The following PRKCE variants were observed in gnomAD, a reference collection of about 807,000 sequenced individuals.
PRKCE encodes the protein protein kinase C epsilon.
PRKCE carries 16 observed loss-of-function variants against 85.4 expected under a neutral mutation model. That is an observed-to-expected ratio of 0.19 (90% CI 0.13 to 0.28). PRKCE has a LOEUF of 0.28. Among genes scored for constraint, PRKCE ranks in the 10% least tolerant of loss-of-function variants. The pLI, the probability that PRKCE is intolerant of heterozygous loss-of-function variation, is 1.00. For missense variants in PRKCE, 573 were observed against 975.2 expected (o/e 0.59, Z 5.49); for synonymous variants, 388 against 371.5 (o/e 1.04, Z -0.51).
chr2:45,775,590 A>G (rs1685684373), intron 1 of PRKCE, among the ~76,000 whole-genome samples: 1 of 152,174 alleles, frequency 6.6e-6, no homozygotes, highest in South Asian at 2.1e-4. Flanking sequence ...CAAGAAGAGA[A>G]TAAATCCAGA....
chr2:45,892,661 G>A (rs866248132), intron 2 of PRKCE, among the ~76,000 whole-genome samples: 3 of 152,076 alleles, frequency 2.0e-5, no homozygotes, highest in Non-Finnish European at 2.9e-5. Flanking sequence ...CTGCCCTGGC[G>A]GTGGCCCAGA....
intron 1 of PRKCE, among the ~76,000 whole-genome samples, chr2:45,829,701 A>G (rs1167488334): frequency 6.6e-6 from 1 of 152,214 alleles, no homozygotes; most frequent in African/African-American, 2.4e-5. Context: ...GGTAAAAACA[A>G]GTGACCTTTG....
Position 46,074,260 on chromosome 2 carries a change from T to C in PRKCE, c.1438-11948T>C, listed in dbSNP as rs3814372. ...TAAAGTGAAGGAGTCAGTAAACAGG[T>C]TGGTGGTTTTATATACATGAGATTG... On this transcript the variant is annotated intron_variant, in intron 10 of 14. Transcript: ENST00000306156. 6.5e-3 allele frequency among the ~76,000 whole-genome samples: 987 copies of C among 151,356 alleles called. 16 individuals carry two copies. Among genetic ancestry groups the C allele is most frequent in the East Asian group, 0.023 (117 of 5,168 alleles).
chr2:45,905,727 A>T lies in PRKCE; in HGVS notation c.412+62664A>T, dbSNP rs1573823626. Among the ~76,000 whole-genome samples the T allele has an allele frequency of 6.6e-6, 1 of 152,186 alleles. No homozygotes were observed. The highest frequency in any genetic ancestry group is 1.5e-5 in the Non-Finnish European group (1 of 68,026). ...TGCAACTGTGATCTACAAAGATAGGATGTTTACTGAAGGGTAAATGGAGAC... is the reference window on the plus strand; with the variant it reads ...TGCAACTGTGATCTACAAAGATAGGTTGTTTACTGAAGGGTAAATGGAGAC... On this transcript the variant is annotated intron_variant, in intron 2 of 14. Transcript: ENST00000306156. The surrounding 1 kb of genome is among the most constrained non-coding windows in gnomAD (Gnocchi z 4.4).
intron 2 of PRKCE, among the ~76,000 whole-genome samples, chr2:45,852,947 T>G (rs11895929): frequency 6.6e-6 from 1 of 151,960 alleles, no homozygotes; most frequent in African/African-American, 2.4e-5. Flanking sequence ...CCAGGAGATG[T>G]CTGTGCTGCT....
intron 14 of PRKCE, among the ~76,000 whole-genome samples, chr2:46,181,424 A>G (rs1450925120): frequency 6.6e-6 from 1 of 152,204 alleles, no homozygotes; most frequent in Admixed American, 6.5e-5. Context: ...GTCTGTAACG[A>G]TCATGAAGAA....
intron 10 of PRKCE, among the ~76,000 whole-genome samples, chr2:46,022,781 G>C (rs1706773255): frequency 6.6e-6 from 1 of 152,192 alleles, no homozygotes; most frequent in South Asian, 2.1e-4. Flanking sequence ...GTCTTATCCA[G>C]TTAACAGTTT....
chr2:46,101,962 G>A (rs1359463704), intron 11 of PRKCE, among the ~76,000 whole-genome samples: 24 of 151,344 alleles, frequency 1.6e-4, no homozygotes, highest in Admixed American at 1.6e-3. Context: ...GGCTATCCAT[G>A]TTGAACAACC....
At position 46,145,359 on chromosome 2, in the gene PRKCE, A is replaced by G; in HGVS notation, c.1731+128A>G. 3 of 1,299,286 alleles carry G rather than the reference A, an allele frequency of 2.3e-6. No homozygotes were observed. The highest frequency in any genetic ancestry group is 4.3e-5 in the Admixed American group (2 of 46,914). 80.5% of individuals were successfully genotyped at this position (1,299,286 alleles called of 1,614,324 possible). On this transcript the variant is annotated intron_variant, in intron 12 of 14. Transcript: ENST00000306156. The surrounding 1 kb of genome is among the most constrained non-coding windows in gnomAD (Gnocchi z 4.6). Reference sequence around the variant, plus strand: ...TGGAAATCCAGGATGGATTCTAGGAAGGAGGGAGAAAAGGAAAGGAAAAAA... The same window carrying G: ...TGGAAATCCAGGATGGATTCTAGGAGGGAGGGAGAAAAGGAAAGGAAAAAA...
rs148522961 is a variant in PRKCE at position 46,179,168 on chromosome 2, G to T, written c.2068-5567G>T. Among the ~76,000 whole-genome samples the T allele has an allele frequency of 5.1e-3, 780 of 152,278 alleles. 7 individuals carry two copies. Among genetic ancestry groups the T allele is most frequent in the African/African-American group, 0.018 (739 of 41,556 alleles). On this transcript the variant is annotated intron_variant, in intron 14 of 14. Transcript: ENST00000306156. ...CCCTATGCCCCAGCCTGTAAGATCA[G>T]GGAGTTTTCTCAGTGCTTTAAAACA...
rs539500569 is a variant in PRKCE at position 46,045,772 on chromosome 2, G to C, written c.1437+35255G>C. ...CACATGCCTGTAATCCCAGCTGCTT[G>C]GGAGGCTGAGGCACAAGAATCATTT... On this transcript the variant is annotated intron_variant, in intron 10 of 14. Transcript: ENST00000306156. 5.9e-5 allele frequency among the ~76,000 whole-genome samples: 9 copies of C among 152,250 alleles called. No homozygotes were observed. In the South Asian group the frequency reaches 1.9e-3, roughly 32 times the overall value.
At chr2:46,160,956 C>G (rs114325973) in intron 14 of PRKCE, among the ~76,000 whole-genome samples, 1 of 152,202 alleles carries the variant, frequency 6.6e-6, no homozygotes, top group Non-Finnish European at 1.5e-5. Flanking sequence ...TGCTTGGTCC[C>G]GTTACCACTC....
intron 2 of PRKCE, among the ~76,000 whole-genome samples, chr2:45,914,372 G>T (rs761652634): frequency 6.6e-6 from 1 of 152,244 alleles, no homozygotes; most frequent in Non-Finnish European, 1.5e-5. Context: ...GGACTTGGAT[G>T]TGTCTCAACG....
chr2:46,102,871 A>G (rs1671370402), intron 11 of PRKCE, among the ~76,000 whole-genome samples: 1 of 152,180 alleles, frequency 6.6e-6, no homozygotes, highest in African/African-American at 2.4e-5. Flanking sequence ...ATTGACCTCA[A>G]TAGTCAATAT....
chr2:46,179,656 C>A (rs1334945898), intron 14 of PRKCE, among the ~76,000 whole-genome samples: 3 of 152,188 alleles, frequency 2.0e-5, no homozygotes, highest in Non-Finnish European at 4.4e-5. Context: ...GGAATTTTCC[C>A]AAACCCTGGT....
intron 1 of PRKCE, among the ~76,000 whole-genome samples, chr2:45,746,198 C>T (rs1478069068): frequency 1.3e-5 from 2 of 151,822 alleles, no homozygotes; most frequent in Non-Finnish European, 2.9e-5. Flanking sequence ...ATATTCAGTC[C>T]CATACCTTTA....
chr2:45,750,299 G>A (rs947781584), intron 1 of PRKCE, among the ~76,000 whole-genome samples: 1 of 152,096 alleles, frequency 6.6e-6, no homozygotes, highest in Non-Finnish European at 1.5e-5. Flanking sequence ...CCCTCCCCCA[G>A]CCCCTGGGAA....
chr2:46,123,426 C>T (rs751842504), intron 11 of PRKCE, among the ~76,000 whole-genome samples: 38 of 151,850 alleles, frequency 2.5e-4, no homozygotes, highest in Admixed American at 1.0e-3. Context: ...GATGATTTGT[C>T]GTGTTTACTC....
At chr2:45,787,785 G>T (rs1047346726) in intron 1 of PRKCE, among the ~76,000 whole-genome samples, 2 of 152,204 alleles carry the variant, frequency 1.3e-5, no homozygotes, top group African/African-American at 4.8e-5. Flanking sequence ...TGCATCTAAA[G>T]AAAGTGTCTG....
Sources: allele counts gnomAD v4.1 joint callset (sites outside exome capture counted in the v4.1 genomes callset), GRCh38; gene constraint gnomAD v4.1.1; non-coding constraint Gnocchi (gnomAD v3.1); transcripts MANE v1.5; gene names NCBI Gene and HGNC (gene_info 2026-07-23, HGNC 2026-07-21).